The following STK10 variants were observed in gnomAD, a reference collection of about 807,000 sequenced individuals.
STK10 encodes serine/threonine-protein kinase 10.
STK10 carries 78 observed loss-of-function variants against 113.8 expected under a neutral mutation model. The observed-to-expected ratio is 0.69, with a 90% CI of 0.57 to 0.83. STK10 has a LOEUF of 0.83. Ranked by LOEUF, STK10 falls within the 40% of genes least tolerant of loss-of-function variation. The pLI is 0.00. For missense variants in STK10, 1,109 were observed against 1,280.1 expected (o/e 0.87, Z 2.04); for synonymous variants, 465 against 494.7 (o/e 0.94, Z 0.80).
At chr5:172,128,221 C>CAAAAA (rs35298910) in intron 2 of STK10, among the ~76,000 whole-genome samples, 112 of 77,158 alleles carry the variant, frequency 1.5e-3, no homozygotes, top group Non-Finnish European at 1.8e-3. Context: ...GACTCCGTCT[C>CAAAAA]AAAAAAAAAA....
At chr5:172,106,418 A>AAAAAAAAAAAAAAAAAAAAC (rs1769110367) in intron 6 of STK10, among the ~76,000 whole-genome samples, 1 of 141,366 alleles carries the variant, frequency 7.1e-6, no homozygotes, top group Non-Finnish European at 1.5e-5. Flanking sequence ...AAAAAAAAAA[A>AAAAAAAAAAAAAAAAAAAAC]GGAACACAAA....
chr5:172,128,491 T>C (rs904019831), intron 2 of STK10, among the ~76,000 whole-genome samples: 4 of 152,102 alleles, frequency 2.6e-5, no homozygotes, highest in African/African-American at 9.7e-5. Flanking sequence ...CCACCACACC[T>C]GGCTAATGTT....
At chr5:172,134,754 A>AAAAAGG (rs967297942) in intron 2 of STK10, among the ~76,000 whole-genome samples, 4 of 151,438 alleles carry the variant, frequency 2.6e-5, no homozygotes, top group African/African-American at 9.7e-5. Context: ...ACAAAAAAAA[A>AAAAAGG]AAAAAGGAAA....
chr5:172,159,845 A>C (rs1331068662), intron 1 of STK10, among the ~76,000 whole-genome samples: 1 of 151,808 alleles, frequency 6.6e-6, no homozygotes, highest in African/African-American at 2.4e-5. Flanking sequence ...TAAATAAAAA[A>C]GAAAGAAAAA....
chr5:172,132,016 C>T (rs913528349), intron 2 of STK10, among the ~76,000 whole-genome samples: 2 of 152,200 alleles, frequency 1.3e-5, no homozygotes, highest in Admixed American at 6.5e-5. Context: ...AGAAGGCCCT[C>T]GCCAGATGCA....
intron 9 of STK10, among the ~76,000 whole-genome samples, chr5:172,091,467 A>G (rs1452369668): frequency 6.6e-6 from 1 of 151,450 alleles, no homozygotes; most frequent in Admixed American, 6.6e-5. Flanking sequence ...CTGATTCTGA[A>G]GGTGTCCCCA....
chr5:172,150,761 T>C (rs1296225694), intron 2 of STK10, among the ~76,000 whole-genome samples: 2 of 152,180 alleles, frequency 1.3e-5, no homozygotes, highest in Non-Finnish European at 2.9e-5. Flanking sequence ...ATCCCATCCA[T>C]GCCCTGCTCT....
At chr5:172,154,003 C>T (rs944826680) in intron 2 of STK10, among the ~76,000 whole-genome samples, 11 of 152,220 alleles carry the variant, frequency 7.2e-5, no homozygotes, top group East Asian at 1.9e-4. Flanking sequence ...ACTGCCTCCA[C>T]GTTTTTCTCT....
At chr5:172,124,884 A>AT (rs148455575) in intron 3 of STK10, among the ~76,000 whole-genome samples, 7 of 150,422 alleles carry the variant, frequency 4.7e-5, no homozygotes, top group African/African-American at 1.2e-4. Flanking sequence ...GTATATATAT[A>AT]TTTTTTTCCC....
intron 4 of STK10, among the ~76,000 whole-genome samples, chr5:172,114,408 C>T (rs545674827): frequency 7.7e-6 from 1 of 130,684 alleles, no homozygotes; most frequent in Non-Finnish European, 1.6e-5. Context: ...TAAACATTTA[C>T]GGGTTTGCTG....
At position 172,141,375 on chromosome 5, in the gene STK10, G is replaced by A. The variant is rs1279451925; in HGVS notation, c.322-13954C>T. Among the ~76,000 whole-genome samples the A allele has an allele frequency of 2.6e-5, 4 of 151,970 alleles. No homozygotes were observed. In the South Asian group the frequency reaches 6.2e-4, roughly 24 times the overall value. Reference sequence around the variant, plus strand: ...GAAGATTGCTTGAGCTCAGGAGTTCGAGACCAGCCTGGGCAACAAAGTGAG... The same window carrying A: ...GAAGATTGCTTGAGCTCAGGAGTTCAAGACCAGCCTGGGCAACAAAGTGAG... On this transcript the variant is annotated intron_variant, in intron 2 of 18. Transcript: ENST00000176763.
chr5:172,085,707 G>A (rs898173539), intron 10 of STK10, among the ~76,000 whole-genome samples: 1 of 151,338 alleles, frequency 6.6e-6, no homozygotes, highest in African/African-American at 2.4e-5. Context: ...AAAAAAGAGA[G>A]AGAAAATTGC....
At chr5:172,138,446 C>A (rs933314629) in intron 2 of STK10, among the ~76,000 whole-genome samples, 1 of 151,984 alleles carries the variant, frequency 6.6e-6, no homozygotes, top group East Asian at 1.9e-4. Context: ...TGTTGGTATA[C>A]AACATAATCT....
intron 7 of STK10, among the ~76,000 whole-genome samples, chr5:172,103,035 G>T (rs1170316280): frequency 6.6e-6 from 1 of 152,216 alleles, no homozygotes; most frequent in Non-Finnish European, 1.5e-5. Context: ...ACAAACCAAT[G>T]GGGGCGTGAA....
At chr5:172,113,388 T>C (rs183934384) in intron 4 of STK10, among the ~76,000 whole-genome samples, 2 of 152,214 alleles carry the variant, frequency 1.3e-5, no homozygotes, top group African/African-American at 4.8e-5. Flanking sequence ...CATCACTGCA[T>C]GATTTCGTAA....
At chr5:172,080,720 G>T (rs1040413433) in intron 12 of STK10, among the ~76,000 whole-genome samples, 3 of 152,262 alleles carry the variant, frequency 2.0e-5, no homozygotes, top group Non-Finnish European at 2.9e-5. Context: ...GCTAGCAGAG[G>T]TTGGTTCATG....
intron 12 of STK10, among the ~76,000 whole-genome samples, chr5:172,068,956 T>C (rs1768126452): frequency 6.6e-6 from 1 of 151,928 alleles, no homozygotes; most frequent in African/African-American, 2.4e-5. Flanking sequence ...ATTTACATGG[T>C]TGTAAAGGTA....
intron 2 of STK10, among the ~76,000 whole-genome samples, chr5:172,154,618 T>A (rs1277467044): frequency 6.6e-6 from 1 of 152,130 alleles, no homozygotes; most frequent in Non-Finnish European, 1.5e-5. Context: ...AAAGAAATGG[T>A]CTTGGCCACA....
At chr5:172,046,834 G>T (rs1719676206) in intron 18 of STK10, among the ~76,000 whole-genome samples, 1 of 152,168 alleles carries the variant, frequency 6.6e-6, no homozygotes, top group Admixed American at 6.5e-5. Flanking sequence ...ACAAATATAG[G>T]TGGTGGGCCA....
Sources: allele counts gnomAD v4.1 joint callset (sites outside exome capture counted in the v4.1 genomes callset), GRCh38; gene constraint gnomAD v4.1.1; transcripts MANE v1.5; gene names NCBI Gene and HGNC (gene_info 2026-07-23, HGNC 2026-07-21).